The following CCDC102B variants were observed in gnomAD, a reference collection of about 807,000 sequenced individuals.
The protein encoded by CCDC102B is coiled-coil domain containing 102B.
A neutral mutation model predicts 57.4 loss-of-function variants in CCDC102B; 75 were observed. That is an observed-to-expected ratio of 1.31 (90% CI 1.08 to 1.58). The LOEUF is 1.58. Ranked by LOEUF, CCDC102B falls within the 40% of genes most tolerant of loss-of-function variation. The pLI, the probability that CCDC102B is intolerant of heterozygous loss-of-function variation, is 0.00. For synonymous variants in CCDC102B, 206 were observed against 201.9 expected, an observed-to-expected ratio of 1.02 and a Z score of -0.17; for missense variants, 636 against 582.6, an observed-to-expected ratio of 1.09 and a Z score of -0.94.
chr18:68,896,688 A>C (rs1180187076), intron 5 of CCDC102B, among the ~76,000 whole-genome samples: 2 of 151,876 alleles, frequency 1.3e-5, no homozygotes, highest in African/African-American at 2.4e-5. Flanking sequence ...AAAATGATAA[A>C]TTATATATAT....
At chr18:68,780,896 C>T (rs2034985820) in intron 2 of CCDC102B, among the ~76,000 whole-genome samples, 1 of 152,068 alleles carries the variant, frequency 6.6e-6, no homozygotes, top group Admixed American at 6.6e-5. Flanking sequence ...ATTATAATCA[C>T]ACCAGATAAG....
At position 69,046,560 on chromosome 18, in the gene CCDC102B, G is replaced by C. The variant is rs139157932; in HGVS notation, c.1435-7470G>C. Among the ~76,000 whole-genome samples the C allele has an allele frequency of 2.5e-3, 385 of 152,164 alleles. 1 individual carries two copies. Among genetic ancestry groups the C allele is most frequent in the African/African-American group, 9.1e-3 (377 of 41,542 alleles). ...CTGTAGGTTGTCTGTTTACCCTTAT[G>C]ATACTTTATTTTGCTGTTCAGAAGG... On this transcript the variant is annotated intron_variant, in intron 7 of 7. Coordinates refer to ENST00000360242, the MANE Select transcript of CCDC102B (RefSeq NM_024781.3).
chr18:68,917,410 T>C (rs1352087531), intron 6 of CCDC102B, among the ~76,000 whole-genome samples: 1 of 152,156 alleles, frequency 6.6e-6, no homozygotes, highest in Non-Finnish European at 1.5e-5. Flanking sequence ...GCGGGAAAGA[T>C]GCAAAGAAAG....
intron 2 of CCDC102B, among the ~76,000 whole-genome samples, chr18:68,788,507 G>T (rs2035299729): frequency 1.3e-5 from 2 of 151,252 alleles, no homozygotes; most frequent in Non-Finnish European, 2.9e-5. Flanking sequence ...ATGAATCTTG[G>T]TGCTCCTGTA....
intron 2 of CCDC102B, among the ~76,000 whole-genome samples, chr18:68,744,094 G>A (rs1393380652): frequency 6.6e-6 from 1 of 151,882 alleles, no homozygotes; most frequent in Admixed American, 6.6e-5. Context: ...CTATATTGTT[G>A]GAATTTTATT....
chr18:68,716,296 T>G (rs1308682769), intron 1 of CCDC102B, among the ~76,000 whole-genome samples: 7 of 152,112 alleles, frequency 4.6e-5, no homozygotes, highest in African/African-American at 1.7e-4. Context: ...TCAATTTTTT[T>G]TTTTCATTCT....
Position 68,882,668 on chromosome 18 carries a change from T to C in CCDC102B, c.1053+7883T>C, listed in dbSNP as rs186143413. Among the ~76,000 whole-genome samples the C allele has an allele frequency of 2.6e-3, 402 of 152,356 alleles. 3 individuals are homozygous for C. Among genetic ancestry groups the C allele is most frequent in the African/African-American group, 9.3e-3 (387 of 41,582 alleles). ...ACTACCTAGTATATAGAATTACTTA[T>C]CTTTACAAACAACAATAAAAGGATT... On this transcript the variant is annotated intron_variant, in intron 5 of 7. Transcript: ENST00000360242.
At chr18:69,031,743 T>C (rs1046018507) in intron 7 of CCDC102B, among the ~76,000 whole-genome samples, 4 of 152,156 alleles carry the variant, frequency 2.6e-5, no homozygotes, top group Non-Finnish European at 1.5e-5. Context: ...AGCTCACTAG[T>C]AGATTATCAC....
chr18:68,731,620 A>G (rs2032866727), intron 2 of CCDC102B, among the ~76,000 whole-genome samples: 1 of 151,434 alleles, frequency 6.6e-6, no homozygotes, highest in African/African-American at 2.4e-5. Context: ...TTATATATGT[A>G]TGTATACATA....
intron 6 of CCDC102B, among the ~76,000 whole-genome samples, chr18:68,929,908 T>C (rs1167601095): frequency 6.6e-6 from 1 of 151,926 alleles, no homozygotes; most frequent in East Asian, 1.9e-4. Flanking sequence ...CTATGTTTAA[T>C]GTTTATGATG....
At chr18:68,866,679 C>A in intron 4 of CCDC102B, 1 of 429,708 alleles carries the variant, frequency 2.3e-6, no homozygotes, top group South Asian at 2.2e-5. Context: ...TTTATCTTGC[C>A]ATAGCACTGT....
chr18:69,029,066 C>T (rs1415703860), intron 7 of CCDC102B, among the ~76,000 whole-genome samples: 2 of 152,152 alleles, frequency 1.3e-5, no homozygotes, highest in African/African-American at 4.8e-5. Flanking sequence ...TCACATTCAT[C>T]TCTCTACATA....
chr18:68,952,294 C>T (rs547803609), intron 6 of CCDC102B, among the ~76,000 whole-genome samples: 1 of 151,922 alleles, frequency 6.6e-6, no homozygotes, highest in African/African-American at 2.4e-5. Context: ...TTCACAACTA[C>T]CTTAGACTTC....
At chr18:68,968,406 A>T (rs1747357394) in intron 6 of CCDC102B, among the ~76,000 whole-genome samples, 2 of 152,194 alleles carry the variant, frequency 1.3e-5, no homozygotes, top group African/African-American at 4.8e-5. Context: ...TGTAAGAAAC[A>T]TTACAAAGAA....
At chr18:68,789,278 C>T (rs1270944205) in intron 2 of CCDC102B, among the ~76,000 whole-genome samples, 1 of 152,052 alleles carries the variant, frequency 6.6e-6, no homozygotes, top group Non-Finnish European at 1.5e-5. Flanking sequence ...TCCTTCATTT[C>T]AGCTTTGGTG....
chr18:69,010,522 A>G (rs1599843903), intron 6 of CCDC102B, among the ~76,000 whole-genome samples: 1 of 152,086 alleles, frequency 6.6e-6, no homozygotes, highest in African/African-American at 2.4e-5. Flanking sequence ...CACAAAACCT[A>G]TTTTCTTCAG....
intron 1 of CCDC102B, among the ~76,000 whole-genome samples, chr18:68,805,945 T>C (rs1376652593): frequency 6.6e-6 from 1 of 152,212 alleles, no homozygotes; most frequent in African/African-American, 2.4e-5. Context: ...TACTTTTCTC[T>C]CTGCTTATGT....
intron 7 of CCDC102B, among the ~76,000 whole-genome samples, chr18:69,012,578 T>G (rs1179919916): frequency 1.3e-5 from 2 of 152,186 alleles, no homozygotes; most frequent in Non-Finnish European, 2.9e-5. Flanking sequence ...GAGCTGTGCA[T>G]GCCAGCGCCG....
chr18:68,990,209 C>T (rs2050828298), intron 6 of CCDC102B, among the ~76,000 whole-genome samples: 1 of 152,218 alleles, frequency 6.6e-6, no homozygotes, highest in Admixed American at 6.5e-5. Context: ...TCAGGAAGTT[C>T]TCTGCAGCCC....
Sources: allele counts gnomAD v4.1 joint callset (sites outside exome capture counted in the v4.1 genomes callset), GRCh38; gene constraint gnomAD v4.1.1; transcripts MANE v1.5; gene names NCBI Gene and HGNC (gene_info 2026-07-23, HGNC 2026-07-21).